The following TTN variants were observed in gnomAD, a reference collection of about 807,000 sequenced individuals.
TTN encodes the protein titin.
Under a neutral mutation model 3,223.0 loss-of-function variants are expected in TTN, and 1,525 were observed. The observed-to-expected ratio is 0.47, with a 90% CI of 0.45 to 0.49. The LOEUF (loss-of-function observed/expected upper bound fraction) is 0.49. Among genes scored for constraint, TTN ranks in the 20% least tolerant of loss-of-function variants. The pLI is 0.00. For missense variants in TTN, 40,786 were observed against 43,424.0 expected (o/e 0.94, Z 5.40); for synonymous variants, 14,094 against 15,161.0 (o/e 0.93, Z 5.17).
rs1224196588 is a variant in TTN, at chr2:178,722,865, T to C, written c.22034A>G (p.Gln7345Arg). The C allele has an allele frequency of 1.9e-6, 3 of 1,613,034 alleles. No homozygotes were observed. ...AVGDSVSLQC[Q>R]VAGTPEITVS... The stretch of plus-strand genomic sequence containing the variant: ...TGTAATTTCTGGTGTCCCAGCAACT[T>C]GGCATTGTAAAGAAACCGAATCTCC... The change falls in exon 76 of 363, where the codon CAA becomes CGA. Residue 7345 changes from glutamine to arginine, a missense_variant. Coordinates refer to ENST00000589042, the MANE Select transcript of TTN (RefSeq NM_001267550.2).
In TTN at chr2:178,731,835, A is replaced by C; in HGVS notation, c.17040T>G (p.Gly5680=). The change falls in exon 58 of 363, where the codon GGT becomes GGG. Residue 5680 remains glycine, a synonymous_variant. Transcript: ENST00000589042. ...WFKDNTILRS[G]RKYKTFIQDH... ...CCTGAATGAAAGTCTTATACTTTCTACCACTTCGCAGGATTGTGTTATCTT... is the reference window on the plus strand; with the variant it reads ...CCTGAATGAAAGTCTTATACTTTCTCCCACTTCGCAGGATTGTGTTATCTT... 2.5e-6 allele frequency: 4 copies of C among 1,613,820 alleles called. No individual in the cohort carries two copies. The highest frequency in any genetic ancestry group is 2.5e-6 in the Non-Finnish European group (3 of 1,179,766).
chr2:178,762,606 A>G (rs2089503092), intron 43 of TTN, among the ~76,000 whole-genome samples: 1 of 152,236 alleles, frequency 6.6e-6, no homozygotes. Flanking sequence ...CTAAAAATTA[A>G]ATAAATGGAT....
chr2:178,615,586 T>G, intron 258 of TTN, 55 bp downstream of exon 258: 1 of 1,610,244 alleles, frequency 6.2e-7, no homozygotes, highest in Non-Finnish European at 8.5e-7. Flanking sequence ...ACTCTAGGTC[T>G]AAAAGCAAAA....
chr2:178,749,922 T>A (rs777944596), intron 47 of TTN: 2 of 1,613,204 alleles, frequency 1.2e-6, no homozygotes, highest in Non-Finnish European at 1.7e-6. Flanking sequence ...TCTTGTAACA[T>A]TTTTGGTGGT....
rs576879014 is a variant in TTN at position 178,694,844 on chromosome 2, C to G, written c.31333G>C (p.Val10445Leu). 2 of 1,558,582 alleles carry G rather than the reference C, an allele frequency of 1.3e-6. No homozygotes were observed. The highest frequency in any genetic ancestry group is 2.4e-5 in the East Asian group (1 of 42,490). The change falls in exon 116 of 363, where the codon GTT (valine) becomes CTT (leucine). Residue 10445 changes from valine to leucine, a missense_variant. Val to Leu is a conservative substitution (Grantham distance 32). Transcript: ENST00000589042. Reference protein sequence around the residue: ...KTSRRMEEEKVQVTKVPEVSK... With the variant: ...KTSRRMEEEKLQVTKVPEVSK... ...TAAATAATACCTTTGGTGACTTGAA[C>G]TTTTTCTTCCTCCATTCTTCGAGAA...
rs780566983 is a variant in TTN at position 178,635,655 on chromosome 2, G to C, written c.41669C>G (p.Thr13890Arg). The C allele has an allele frequency of 1.3e-6, 2 of 1,599,814 alleles. No homozygotes were observed. Among genetic ancestry groups the C allele is most frequent in the Non-Finnish European group, 8.5e-7 (1 of 1,172,566 alleles). The change falls in exon 227 of 363, where the codon ACA (threonine) becomes AGA (arginine). Residue 13890 changes from threonine to arginine, a missense_variant. By Grantham distance (71) the Thr-to-Arg change is moderately conservative. Transcript: ENST00000589042. Reference protein sequence around the residue: ...IRDQHVKPKGTAIFACDIAKD... With the variant: ...IRDQHVKPKGRAIFACDIAKD... Reference sequence around the variant, plus strand: ...TGCTATATCACAGGCAAAAATAGCTGTCCCCTTGGGTTTCACATGCTGGTC... The same window carrying C: ...TGCTATATCACAGGCAAAAATAGCTCTCCCCTTGGGTTTCACATGCTGGTC...
chr2:178,544,007 A>G lies in TTN; in HGVS notation c.96137T>C (p.Ile32046Thr). ...GTCAATGCCCTGCTTGCTCCACGTT[A>G]TGACAGGAGGTGGTCTTCCAGATAC... is the stretch of plus-strand genomic sequence containing the variant. ...VSVSGRPPPV[I>T]TWSKQGIDLA... is the part of the protein sequence containing the mutation. The change falls in exon 346 of 363, where the codon ATA becomes ACA. Residue 32046 changes from isoleucine (I) to threonine (T), a missense_variant. Coordinates refer to ENST00000589042, the MANE Select transcript of TTN (RefSeq NM_001267550.2). The G allele has an allele frequency of 6.2e-7, 1 of 1,613,600 alleles. No individual in the cohort carries two copies. Among genetic ancestry groups the G allele is most frequent in the South Asian group, 1.1e-5 (1 of 91,070 alleles).
chr2:178,804,527 C>A, intron 2 of TTN, 25 bp downstream of exon 2: 1 of 1,609,274 alleles, frequency 6.2e-7, no homozygotes, highest in Non-Finnish European at 8.5e-7. Context: ...GAAAAAAAAA[C>A]AAAAGTGTGA....
Position 178,563,472 on chromosome 2 carries a change from C to T in TTN, c.82660G>A (p.Glu27554Lys). Residue 27554 changes from glutamate (E) to lysine (K), a missense_variant, in exon 326 of 363, where the codon GAA becomes AAA. Transcript: ENST00000589042. This position sits in a 1 kb window ranked among gnomAD's most constrained non-coding sequence, Gnocchi z 4.5. ...VAAENAAGVG[E>K]PSEPSVFYRA... ...TAGAAAACAGATGGCTCACTAGGTT[C>T]TCCCACACCAGCTGCATTTTCAGCA... The T allele has an allele frequency of 1.2e-6, 2 of 1,613,690 alleles. No individual in the cohort carries two copies. Among genetic ancestry groups the T allele is most frequent in the Non-Finnish European group, 1.7e-6 (2 of 1,179,738 alleles).
At chr2:178,674,640 T>A (rs984302769) in intron 150 of TTN, among the ~76,000 whole-genome samples, 3 of 151,212 alleles carry the variant, frequency 2.0e-5, no homozygotes, top group Non-Finnish European at 3.0e-5. Flanking sequence ...GTTTTTTTTT[T>A]AATGAAAGAC....
At position 178,555,124 on chromosome 2, in the gene TTN, T is replaced by A; in HGVS notation, c.88335A>T (p.Glu29445Asp). The A allele has an allele frequency of 4.3e-6, 7 of 1,611,510 alleles. No homozygotes were observed. The highest frequency in any genetic ancestry group is 5.9e-6 in the Non-Finnish European group (7 of 1,179,366). Residue 29445 changes from glutamate to aspartate, a missense_variant, in exon 331 of 363, where the codon GAA (glutamate) becomes GAT (aspartate). Coordinates refer to ENST00000589042, the MANE Select transcript of TTN (RefSeq NM_001267550.2). ...YGGPVIDLPLEYTEVVKYRAG... is the reference protein window; with the variant it reads ...YGGPVIDLPLDYTEVVKYRAG... ...CTCTGTATTTGACAACTTCTGTATA[T>A]TCTAGAGGCAAATCAATTACAGGAC...
At position 178,774,244 on chromosome 2, in the gene TTN, G is replaced by A. The variant is rs587780986; in HGVS notation, c.7020C>T (p.Ile2340=). Reference sequence around the variant, plus strand: ...ATTTACAGGTTGTCTTTTTCCCGTCGATGACAAAGCTGTATTCTCCCTGGT... The same window carrying A: ...ATTTACAGGTTGTCTTTTTCCCGTCAATGACAAAGCTGTATTCTCCCTGGT... ...KEDQGEYSFV[I]DGKKTTCKLK... Residue 2340 remains isoleucine, a synonymous_variant, in exon 30 of 363, where the codon ATC becomes ATT. Transcript: ENST00000589042. The A allele has an allele frequency of 1.6e-5, 26 of 1,614,000 alleles. No individual in the cohort carries two copies. The highest frequency in any genetic ancestry group is 2.2e-5 in the Non-Finnish European group (26 of 1,179,964).
At position 178,621,823 on chromosome 2, in the gene TTN, A is replaced by C. The variant is rs1042321192; in HGVS notation, c.45082+17T>G. The C allele has an allele frequency of 6.2e-7, 1 of 1,611,248 alleles. No homozygotes were observed. The highest frequency in any genetic ancestry group is 1.1e-5 in the South Asian group (1 of 90,710). On this transcript the variant is annotated intron_variant, in intron 244 of 362. Coordinates refer to ENST00000589042, the MANE Select transcript of TTN (RefSeq NM_001267550.2). ...TTCCCAACACATATACTTCACAAAG[A>C]ATGACTTTACTCTTACCCAGAACTG...
In TTN at chr2:178,723,461, G is replaced by C. The variant is rs562167496; in HGVS notation, c.21639C>G (p.Asn7213Lys). 1.9e-6 allele frequency: 3 copies of C among 1,613,270 alleles called. No individual in the cohort carries two copies. Among genetic ancestry groups the C allele is most frequent in the African/African-American group, 2.7e-5 (2 of 75,024 alleles). The stretch of plus-strand genomic sequence containing the variant: ...TAGTGCAAGATGCTTGGCCAGCGTT[G>C]TTAGAAACCACACAGGTGTATTCCC... ...QSGEYTCVVS[N>K]NAGQASCTTR... Residue 7213 changes from asparagine to lysine, a missense_variant, in exon 74 of 363, where the codon AAC becomes AAG. Physicochemically the swap from Asn to Lys is moderately conservative, Grantham distance 94. Coordinates refer to ENST00000589042, the MANE Select transcript of TTN (RefSeq NM_001267550.2).
chr2:178,606,111 T>C (rs1020946657), intron 278 of TTN, among the ~76,000 whole-genome samples: 3 of 152,024 alleles, frequency 2.0e-5, no homozygotes, highest in South Asian at 2.1e-4. Flanking sequence ...GATATGTCTA[T>C]GAACATACTT....
rs528860866 is a variant in TTN, at chr2:178,594,306, T to G, written c.58150+38A>C. On this transcript the variant is annotated intron_variant, in intron 296 of 362. Transcript: ENST00000589042. The stretch of plus-strand genomic sequence containing the variant: ...ATGTCTTATTACAAATCTACAAATG[T>G]GCAAGTTTCAGAAGTATAAATTGTA... 10 of 1,591,510 alleles carry G rather than the reference T, an allele frequency of 6.3e-6. No homozygotes were observed. The South Asian group carries it at 1.0e-4, about 17-fold the overall frequency.
intron 40 of TTN, 27 bp from the exon 41 acceptor site, chr2:178,766,639 A>G: frequency 6.4e-7 from 1 of 1,556,114 alleles, no homozygotes; most frequent in East Asian, 2.3e-5. Context: ...ATAAAAAAAC[A>G]ACAACAACAA....
At chr2:178,683,129 G>A (rs2069887628) in intron 134 of TTN, 82 bp downstream of exon 134, 3 of 1,037,038 alleles carry the variant, frequency 2.9e-6, no homozygotes, top group South Asian at 2.7e-5. Flanking sequence ...AGCTAATAAA[G>A]TATAGGAGTC....
chr2:178,628,099 A>G lies in TTN; in HGVS notation c.44424+1202T>C, dbSNP rs375987192. ...TTCTGGTCACTGGAAAAGGAGACCA[A>G]GAAGATCTTATTATCTGTATAACAG... On this transcript the variant is annotated intron_variant, in intron 240 of 362. Transcript: ENST00000589042. Among the ~76,000 whole-genome samples the G allele has an allele frequency of 1.3e-5, 2 of 152,080 alleles. 1 individual carries two copies. The highest frequency in any genetic ancestry group is 2.9e-5 in the Non-Finnish European group (2 of 67,966).
Sources: allele counts gnomAD v4.1 joint callset (sites outside exome capture counted in the v4.1 genomes callset), GRCh38; gene constraint gnomAD v4.1.1; non-coding constraint Gnocchi (gnomAD v3.1); transcripts MANE v1.5; gene names NCBI Gene and HGNC (gene_info 2026-07-23, HGNC 2026-07-21).